SLC11A2: variants seen among roughly 807,000 people sequenced by gnomAD.
SLC11A2 encodes natural resistance-associated macrophage protein 2.
SLC11A2 carries 38 observed loss-of-function variants against 68.0 expected under a neutral mutation model. The observed-to-expected ratio is 0.56, with a 90% CI of 0.43 to 0.73. The LOEUF is 0.73. Ranked by LOEUF, SLC11A2 falls within the 30% of genes least tolerant of loss-of-function variation. The pLI is 0.00. For missense variants in SLC11A2, 517 were observed against 690.5 expected (o/e 0.75, Z 2.82); for synonymous variants, 242 against 250.6 (o/e 0.97, Z 0.32).
chr12:50,998,212 A>G (rs969245701), intron 8 of SLC11A2, among the ~76,000 whole-genome samples: 5 of 150,506 alleles, frequency 3.3e-5, no homozygotes, highest in African/African-American at 1.2e-4. Context: ...ACAAAAAGTT[A>G]GCCAGGCATG....
Position 51,008,495 on chromosome 12 carries a change from A to G in SLC11A2, c.164T>C (p.Ile55Thr). 10 of 1,613,402 alleles carry G rather than the reference A, an allele frequency of 6.2e-6. No individual in the cohort carries two copies. Among genetic ancestry groups the G allele is most frequent in the Non-Finnish European group, 8.5e-6 (10 of 1,179,426 alleles). Residue 55 changes from isoleucine to threonine, a missense_variant, in exon 3 of 16, where the codon ATC becomes ACC. Ile to Thr is a moderately conservative substitution (Grantham distance 89). Transcript: ENST00000262052. ...ACTAACCTCCTCCTCAGGAATGGAG[A>G]TCTTCTCATTAAAGTAAGTGGCGAA... Reference protein sequence around the residue: ...EYFATYFNEKISIPEEEYSCF... With the variant: ...EYFATYFNEKTSIPEEEYSCF...
downstream of SLC11A2, among the ~76,000 whole-genome samples, chr12:50,982,193 T>C (rs1056818078): frequency 5.9e-5 from 9 of 152,166 alleles, no homozygotes; most frequent in African/African-American, 2.2e-4. Context: ...AGCCCTATTA[T>C]CCTTTGGCAC....
At chr12:50,994,857 C>T (rs891010860) in intron 10 of SLC11A2, 2 of 544,418 alleles carry the variant, frequency 3.7e-6, no homozygotes, top group Admixed American at 3.1e-5. Context: ...TTACAGTGTG[C>T]ATGGTAATAA....
In SLC11A2 at chr12:50,986,257, G is replaced by T; in HGVS notation, c.*2068C>A. 7.8e-7 allele frequency: 1 copy of T among 1,284,862 alleles called. No homozygotes were observed. Among genetic ancestry groups the T allele is most frequent in the Non-Finnish European group, 1.0e-6 (1 of 986,550 alleles). The allele number at this position is 1,284,862 out of a possible 1,614,324, so 79.6% of individuals were successfully genotyped here. On this transcript the variant is annotated 3_prime_UTR_variant, in exon 16 of 16. Transcript: ENST00000262052. The stretch of plus-strand genomic sequence containing the variant: ...ATAAACACACTGTCAAAACTCACTG[G>T]ATATGCTGGAATTGGAGGACTTAAA...
the SLC11A2 span, among the ~76,000 whole-genome samples, chr12:50,963,369 CAAAAAAAAAAA>C: frequency 8.3e-5 from 6 of 72,400 alleles, no homozygotes; most frequent in East Asian, 3.5e-4. Flanking sequence ...GACTCCATCT[CAAAAAAAAAAA>C]AAAAAAAAAA....
chr12:50,978,144 A>G (rs933575783), downstream of SLC11A2, among the ~76,000 whole-genome samples: 3 of 152,086 alleles, frequency 2.0e-5, no homozygotes, highest in African/African-American at 7.2e-5. Context: ...ATTACTGGGT[A>G]TATACTCAAA....
chr12:51,026,860 G>A (rs142574294), upstream of SLC11A2, among the ~76,000 whole-genome samples: 761 of 151,958 alleles, frequency 5.0e-3, 6 homozygotes, highest in African/African-American at 0.017. Flanking sequence ...GTGAGACCCG[G>A]TCTCTACAAA....
chr12:51,026,199 G>C lies in SLC11A2; in HGVS notation c.-39+111C>G, dbSNP rs1944373761. On this transcript the variant is annotated intron_variant, in intron 1 of 15. Coordinates refer to ENST00000262052, the MANE Select transcript of SLC11A2 (RefSeq NM_000617.3). ...TCACAGCCCCGCACGGCGAGCCGGT[G>C]TCGCATCCTAGCCCCGGAGCCTGAC... The C allele has an allele frequency of 2.4e-5, 28 of 1,189,420 alleles. No homozygotes were observed. The South Asian group carries it at 4.0e-4, about 17-fold the overall frequency. The allele number at this position is 1,189,420 out of a possible 1,614,324, so 73.7% of individuals were successfully genotyped here.
intron 8 of SLC11A2, among the ~76,000 whole-genome samples, chr12:50,997,791 C>T (rs1941850138): frequency 6.7e-6 from 1 of 149,568 alleles, no homozygotes; most frequent in Admixed American, 6.7e-5. Context: ...AGTTCAAGAC[C>T]AGCCTGGCAA....
chr12:51,026,414 T>G, upstream of SLC11A2: 1 of 1,223,034 alleles, frequency 8.2e-7, no homozygotes, highest in South Asian at 1.3e-5. Context: ...CCGCGATTGG[T>G]CGACAGGACG....
the SLC11A2 span, among the ~76,000 whole-genome samples, chr12:50,955,455 T>C: frequency 1.3e-5 from 2 of 152,334 alleles, no homozygotes; most frequent in Admixed American, 1.3e-4. Flanking sequence ...TCTCCATGGA[T>C]GTATACTGCA....
At chr12:50,968,102 A>G in the SLC11A2 span, among the ~76,000 whole-genome samples, 90 of 147,354 alleles carry the variant, frequency 6.1e-4, 1 homozygote, top group East Asian at 1.4e-3. Flanking sequence ...TAAGAAGAAG[A>G]AGGAGGAGGA....
the SLC11A2 span, among the ~76,000 whole-genome samples, chr12:50,972,609 G>A: frequency 8.5e-5 from 13 of 152,336 alleles, no homozygotes; most frequent in African/African-American, 2.2e-4. Context: ...CTGAGGTACC[G>A]GGTTCATCTC....
the SLC11A2 span, chr12:50,970,496 C>T: frequency 1.3e-6 from 2 of 1,527,036 alleles, no homozygotes; most frequent in Non-Finnish European, 1.8e-6. Flanking sequence ...TTCAGTGAGT[C>T]CAAAAAATGA....
At chr12:50,965,132 G>A in the SLC11A2 span, among the ~76,000 whole-genome samples, 1 of 151,904 alleles carries the variant, frequency 6.6e-6, no homozygotes, top group Middle Eastern at 3.4e-3. Context: ...TTTGTTTTTT[G>A]AGACAGGGTC....
At chr12:50,972,998 T>A in the SLC11A2 span, among the ~76,000 whole-genome samples, 1 of 152,162 alleles carries the variant, frequency 6.6e-6, no homozygotes, top group African/African-American at 2.4e-5. Flanking sequence ...GCTGCAAAGC[T>A]CGAACTGGGT....
At chr12:50,958,550 G>A in the SLC11A2 span, among the ~76,000 whole-genome samples, 1 of 151,496 alleles carries the variant, frequency 6.6e-6, no homozygotes, top group African/African-American at 2.4e-5. Context: ...CAAAGTGCTG[G>A]GATTACAGGC....
chr12:50,952,719 A>G, the SLC11A2 span, among the ~76,000 whole-genome samples: 1 of 152,182 alleles, frequency 6.6e-6, no homozygotes, highest in Non-Finnish European at 1.5e-5. Flanking sequence ...CCGCCAGGTG[A>G]GCCCGGCGGG....
intron 3 of SLC11A2, chr12:51,008,174 G>C: frequency 3.4e-6 from 1 of 298,250 alleles, no homozygotes. Flanking sequence ...CACTGCACTG[G>C]AGCCTAGATG....
Sources: allele counts gnomAD v4.1 joint callset (sites outside exome capture counted in the v4.1 genomes callset), GRCh38; gene constraint gnomAD v4.1.1; transcripts MANE v1.5; gene names NCBI Gene and HGNC (gene_info 2026-07-23, HGNC 2026-07-21).